The following SPMIP2 variants were observed in gnomAD, a reference collection of about 807,000 sequenced individuals.
SPMIP2 encodes protein SPMIP2.
chr4:158,986,793 A>C, the SPMIP2 span, among the ~76,000 whole-genome samples: 1 of 152,018 alleles, frequency 6.6e-6, no homozygotes, highest in South Asian at 2.1e-4. Context: ...GATCTAATCA[A>C]ACTAAAGAGC....
the SPMIP2 span, among the ~76,000 whole-genome samples, chr4:159,035,467 G>T: frequency 6.6e-6 from 1 of 152,104 alleles, no homozygotes; most frequent in African/African-American, 2.4e-5. Context: ...ATTTCAAAAA[G>T]AATGTCTTGC....
the SPMIP2 span, among the ~76,000 whole-genome samples, chr4:159,028,655 T>C: frequency 9.8e-4 from 149 of 152,326 alleles, 3 homozygotes; most frequent in East Asian, 0.025. Context: ...TAAAATTGCA[T>C]AGGACCTGGA....
At chr4:158,943,853 A>ATTTTCTT in the SPMIP2 span, among the ~76,000 whole-genome samples, 9 of 46,482 alleles carry the variant, frequency 1.9e-4, no homozygotes, top group Non-Finnish European at 2.9e-4. Flanking sequence ...TACTATTGAC[A>ATTTTCTT]TTTTCTTTTT....
chr4:158,923,081 G>C, the SPMIP2 span, among the ~76,000 whole-genome samples: 8 of 152,110 alleles, frequency 5.3e-5, no homozygotes, highest in Admixed American at 1.3e-4. Context: ...AAATGTAAGA[G>C]TTTATTTCTG....
At chr4:158,904,612 A>C in the SPMIP2 span, 1 of 1,338,642 alleles carries the variant, frequency 7.5e-7, no homozygotes, top group South Asian at 1.2e-5. Context: ...AGAAAGGAAT[A>C]AGCTCTCTGT....
At chr4:158,991,883 G>A in the SPMIP2 span, among the ~76,000 whole-genome samples, 1 of 151,920 alleles carries the variant, frequency 6.6e-6, no homozygotes, top group Non-Finnish European at 1.5e-5. Flanking sequence ...TTACTCTGAG[G>A]TGTACCCTTC....
the SPMIP2 span, among the ~76,000 whole-genome samples, chr4:158,963,177 G>C: frequency 1.3e-5 from 2 of 151,972 alleles, no homozygotes; most frequent in Non-Finnish European, 2.9e-5. Flanking sequence ...AGTAGAGAGA[G>C]ACATTAATAC....
At chr4:159,061,931 G>A in the SPMIP2 span, among the ~76,000 whole-genome samples, 1 of 152,190 alleles carries the variant, frequency 6.6e-6, no homozygotes, top group Non-Finnish European at 1.5e-5. Flanking sequence ...GCAGTACTGA[G>A]TGATAGCGTG....
chr4:158,943,109 C>G, the SPMIP2 span, among the ~76,000 whole-genome samples: 7 of 152,202 alleles, frequency 4.6e-5, no homozygotes, highest in African/African-American at 1.7e-4. Flanking sequence ...AAAACATCAA[C>G]TTAATGCTTA....
chr4:158,909,343 T>C, the SPMIP2 span: 1 of 152,084 alleles, frequency 6.6e-6, no homozygotes, highest in Non-Finnish European at 1.5e-5. Flanking sequence ...TCAAGTGTTT[T>C]TCCCTGAAGC....
the SPMIP2 span, among the ~76,000 whole-genome samples, chr4:158,909,747 T>A: frequency 0.64 from 97,598 of 151,670 alleles, 31,844 homozygotes; most frequent in East Asian, 0.89. Context: ...CTAATTTTTT[T>A]AAAAAAAATT....
chr4:159,082,787 A>G, the SPMIP2 span, among the ~76,000 whole-genome samples: 60 of 152,270 alleles, frequency 3.9e-4, no homozygotes, highest in African/African-American at 1.4e-3. Flanking sequence ...CTATGTTTGA[A>G]ATTAAACTAT....
the SPMIP2 span, among the ~76,000 whole-genome samples, chr4:159,065,762 A>C: frequency 6.6e-6 from 1 of 152,268 alleles, no homozygotes; most frequent in Non-Finnish European, 1.5e-5. Context: ...AAGTAGAGAG[A>C]AGTCATCTGG....
the SPMIP2 span, among the ~76,000 whole-genome samples, chr4:159,005,962 G>A: frequency 1.3e-5 from 2 of 152,028 alleles, no homozygotes; most frequent in South Asian, 2.1e-4. Flanking sequence ...ACAGAGTTTC[G>A]CCATGTTGGC....
chr4:158,941,387 T>C, the SPMIP2 span, among the ~76,000 whole-genome samples: 6 of 152,240 alleles, frequency 3.9e-5, no homozygotes, highest in Non-Finnish European at 7.3e-5. Flanking sequence ...GTTCTCTGGA[T>C]ATACCACATT....
At chr4:158,957,671 C>T in the SPMIP2 span, among the ~76,000 whole-genome samples, 1 of 152,158 alleles carries the variant, frequency 6.6e-6, no homozygotes, top group Non-Finnish European at 1.5e-5. Context: ...AGTGATCACC[C>T]ACCTTGGCCT....
the SPMIP2 span, among the ~76,000 whole-genome samples, chr4:158,996,131 A>G: frequency 2.0e-5 from 3 of 152,226 alleles, no homozygotes; most frequent in Admixed American, 6.5e-5. Flanking sequence ...ATTTGCTGAA[A>G]GAAGACTGCT....
chr4:158,899,502 CTAT>C, the SPMIP2 span, among the ~76,000 whole-genome samples: 1 of 152,150 alleles, frequency 6.6e-6, no homozygotes, highest in Non-Finnish European at 1.5e-5. Flanking sequence ...GGTTGGTAGG[CTAT>C]TAATTACTGC....
chr4:158,995,630 AGGTG>A, the SPMIP2 span, among the ~76,000 whole-genome samples: 1 of 152,098 alleles, frequency 6.6e-6, no homozygotes, highest in Non-Finnish European at 1.5e-5. Context: ...AGGCCGAGGC[AGGTG>A]GATCACAAGG....
Sources: gnomAD v4.1 joint callset for allele counts (sites outside exome capture counted in the v4.1 genomes callset) on GRCh38, gnomAD v4.1.1 for gene constraint, MANE v1.5 for transcripts, NCBI Gene and HGNC (gene_info 2026-07-23, HGNC 2026-07-21) for gene names.